Variants in GCNT4 observed in about 807,000 individuals in gnomAD.
GCNT4 encodes beta-1,3-galactosyl-O-glycosyl-glycoprotein beta-1,6-N-acetylglucosaminyltransferase 4.
Under a neutral mutation model 31.3 loss-of-function variants are expected in GCNT4, and 17 were observed. That is an observed-to-expected ratio of 0.54 (90% CI 0.37 to 0.81). The LOEUF (loss-of-function observed/expected upper bound fraction) is 0.81. Ranked by LOEUF, GCNT4 falls within the 40% of genes least tolerant of loss-of-function variation. The probability of loss-of-function intolerance (pLI) is 0.00; values close to 1 mark genes in which losing one functional copy is unlikely to be tolerated. For missense variants in GCNT4, 503 were observed against 525.5 expected (o/e 0.96, Z 0.42); for synonymous variants, 158 against 190.6 (o/e 0.83, Z 1.41).
chr5:75,040,341 T>G (rs1467543566), intron 3 of GCNT4, among the ~76,000 whole-genome samples: 3 of 152,132 alleles, frequency 2.0e-5, no homozygotes, highest in Admixed American at 6.6e-5. Flanking sequence ...CTACAAGGAG[T>G]AGTTACTTTA....
Sources: allele counts gnomAD v4.1 joint callset (sites outside exome capture counted in the v4.1 genomes callset), GRCh38; gene constraint gnomAD v4.1.1; transcripts MANE v1.5; gene names NCBI Gene and HGNC (gene_info 2026-07-23, HGNC 2026-07-21).